LINGO2: variants seen among roughly 807,000 people sequenced by gnomAD.
LINGO2 encodes the protein leucine rich repeat and Ig domain containing 2, also known as leucine-rich repeat and immunoglobulin-like domain-containing nogo receptor-interacting protein 2.
In LINGO2, 14 loss-of-function variants were observed where a neutral mutation model predicts 30.6. The ratio of observed to expected loss-of-function variants is 0.46; its 90% confidence interval spans 0.30 to 0.72. The LOEUF (loss-of-function observed/expected upper bound fraction) is 0.72, where lower values mean the gene tolerates loss of function less well. Ranked by LOEUF, LINGO2 falls within the 30% of genes least tolerant of loss-of-function variation. The pLI, the probability that LINGO2 is intolerant of heterozygous loss-of-function variation, is 0.07. For missense variants in LINGO2, 729 were observed against 751.7 expected, an observed-to-expected ratio of 0.97 and a Z score of 0.35; for synonymous variants, 317 against 288.5, an observed-to-expected ratio of 1.10 and a Z score of -1.00.
the LINGO2 span, among the ~76,000 whole-genome samples, chr9:29,195,655 G>A: frequency 6.6e-6 from 1 of 152,024 alleles, no homozygotes; most frequent in African/African-American, 2.4e-5. Flanking sequence ...AGTCAAGAGG[G>A]AAAGATCTAT....
the LINGO2 span, among the ~76,000 whole-genome samples, chr9:28,722,729 C>T: frequency 1.3e-4 from 20 of 152,220 alleles, no homozygotes; most frequent in African/African-American, 4.8e-4. Context: ...TGGGAATATG[C>T]GACAACCTTT....
intron 1 of LINGO2, among the ~76,000 whole-genome samples, chr9:28,660,618 AT>A (rs34698913): frequency 0.091 from 13,824 of 152,084 alleles, 854 homozygotes; most frequent in East Asian, 0.19. Flanking sequence ...AAGAAAAGTT[AT>A]CTCTGAGAAG....
intron 1 of LINGO2, among the ~76,000 whole-genome samples, chr9:28,533,906 C>G (rs1385728084): frequency 6.6e-6 from 1 of 152,104 alleles, no homozygotes; most frequent in Non-Finnish European, 1.5e-5. Flanking sequence ...GTTTAAATAT[C>G]TATTTTGGAC....
intron 4 of LINGO2, among the ~76,000 whole-genome samples, chr9:28,189,056 GA>G (rs71502441): frequency 0.72 from 108,434 of 151,654 alleles, 38,942 homozygotes; most frequent in Admixed American, 0.77. Context: ...ATATATCCCA[GA>G]AAAGTTCACA....
chr9:28,425,933 A>C (rs1242733634), intron 2 of LINGO2, among the ~76,000 whole-genome samples: 1 of 151,944 alleles, frequency 6.6e-6, no homozygotes, highest in African/African-American at 2.4e-5. Flanking sequence ...ATGCCTATTC[A>C]GCTTGCTTCT....
chr9:28,145,011 A>C (rs1027671495), intron 4 of LINGO2, among the ~76,000 whole-genome samples: 2 of 152,228 alleles, frequency 1.3e-5, no homozygotes, highest in African/African-American at 4.8e-5. Flanking sequence ...AATGCAATAG[A>C]GGCAGGAATG....
At chr9:28,569,424 G>GAT (rs34186498) in intron 1 of LINGO2, among the ~76,000 whole-genome samples, 92,804 of 150,970 alleles carry the variant, frequency 0.61, 29,011 homozygotes, top group East Asian at 0.93. Context: ...AAGAAAAGGT[G>GAT]ATATATATAT....
the LINGO2 span, among the ~76,000 whole-genome samples, chr9:28,705,320 A>G: frequency 6.6e-6 from 1 of 152,038 alleles, no homozygotes; most frequent in Non-Finnish European, 1.5e-5. Flanking sequence ...GGGAAGACAA[A>G]TAACAGTCCT....
At chr9:29,018,454 A>C in the LINGO2 span, among the ~76,000 whole-genome samples, 1 of 152,082 alleles carries the variant, frequency 6.6e-6, no homozygotes, top group Non-Finnish European at 1.5e-5. Context: ...ATAATCCTTA[A>C]TACAATTTGA....
chr9:27,980,376 C>A (rs565134614), intron 5 of LINGO2, among the ~76,000 whole-genome samples: 1 of 151,994 alleles, frequency 6.6e-6, no homozygotes, highest in East Asian at 1.9e-4. Context: ...GAAAAACTTT[C>A]CAGAAAAACA....
chr9:29,206,770 A>C, the LINGO2 span, among the ~76,000 whole-genome samples: 4 of 152,224 alleles, frequency 2.6e-5, no homozygotes, highest in Non-Finnish European at 4.4e-5. Flanking sequence ...AGAATTCTTA[A>C]GAACAAGAAC....
chr9:28,430,118 G>A (rs1228108710), intron 2 of LINGO2, among the ~76,000 whole-genome samples: 1 of 106,116 alleles, frequency 9.4e-6, no homozygotes, highest in Admixed American at 9.8e-5. Flanking sequence ...GCGTGTGTGT[G>A]TGTGTGTGTG....
the LINGO2 span, among the ~76,000 whole-genome samples, chr9:29,072,355 T>C: frequency 6.6e-6 from 1 of 152,020 alleles, no homozygotes; most frequent in East Asian, 1.9e-4. Flanking sequence ...ACATAAGACC[T>C]TTTAGAGATG....
chr9:28,099,096 G>A (rs923332299), intron 4 of LINGO2, among the ~76,000 whole-genome samples: 1 of 152,118 alleles, frequency 6.6e-6, no homozygotes, highest in Non-Finnish European at 1.5e-5. Context: ...AGATAGGACA[G>A]TAGCAATAAC....
At chr9:28,735,206 G>C in the LINGO2 span, among the ~76,000 whole-genome samples, 4 of 152,086 alleles carry the variant, frequency 2.6e-5, no homozygotes, top group East Asian at 7.7e-4. Flanking sequence ...GAAGTTGAAG[G>C]GAGAGAGGAA....
the LINGO2 span, among the ~76,000 whole-genome samples, chr9:29,198,617 C>T: frequency 6.6e-6 from 1 of 151,994 alleles, no homozygotes; most frequent in Non-Finnish European, 1.5e-5. Context: ...TGTGTCATTC[C>T]GTATTTTTTA....
At chr9:29,200,585 CAA>C in the LINGO2 span, among the ~76,000 whole-genome samples, 1 of 151,996 alleles carries the variant, frequency 6.6e-6, no homozygotes, top group Admixed American at 6.6e-5. Flanking sequence ...TTTCATAGCA[CAA>C]AGAGTTCTTA....
chr9:28,827,780 A>G, the LINGO2 span, among the ~76,000 whole-genome samples: 3 of 152,184 alleles, frequency 2.0e-5, no homozygotes, highest in South Asian at 4.1e-4. Flanking sequence ...AAAACATTGC[A>G]TTAATGAAAA....
intron 4 of LINGO2, chr9:28,149,106 G>T: frequency 1.3e-6 from 2 of 1,524,890 alleles, no homozygotes; most frequent in South Asian, 1.2e-5. Context: ...AGAGAAGGAC[G>T]CCTCCAGCAG....
Sources: allele counts gnomAD v4.1 joint callset (sites outside exome capture counted in the v4.1 genomes callset), GRCh38; gene constraint gnomAD v4.1.1; transcripts MANE v1.5; gene names NCBI Gene and HGNC (gene_info 2026-07-23, HGNC 2026-07-21).